The following ARHGEF18 variants were observed in gnomAD, a reference collection of about 807,000 sequenced individuals.
The protein encoded by ARHGEF18 is Rho/Rac guanine nucleotide exchange factor 18, also known as rho guanine nucleotide exchange factor 18.
Under a neutral mutation model 155.7 loss-of-function variants are expected in ARHGEF18, and 93 were observed. That is an observed-to-expected ratio of 0.60 (90% CI 0.50 to 0.71). ARHGEF18 has a LOEUF of 0.71. ARHGEF18 is among the 30% of genes least tolerant of loss of function. The pLI is 0.00. For missense variants in ARHGEF18, 1,593 were observed against 1,816.1 expected (o/e 0.88, Z 2.23); for synonymous variants, 742 against 753.1 (o/e 0.99, Z 0.24).
chr19:7,359,706 G>T (rs531540481), intron 1 of ARHGEF18, among the ~76,000 whole-genome samples: 64 of 152,258 alleles, frequency 4.2e-4, no homozygotes, highest in African/African-American at 1.4e-3. Flanking sequence ...CTCAGTATAT[G>T]ACACCAGGAT....
intron 15 of ARHGEF18, among the ~76,000 whole-genome samples, chr19:7,450,856 G>T (rs62109784): frequency 1.6e-3 from 6 of 3,736 alleles, no homozygotes; most frequent in Admixed American, 8.1e-3. Flanking sequence ...TTAATGCGGC[G>T]TCTTGCTGTC....
intron 10 of ARHGEF18, among the ~76,000 whole-genome samples, chr19:7,413,044 A>G (rs1300323480): frequency 2.0e-5 from 3 of 152,136 alleles, no homozygotes; most frequent in Non-Finnish European, 2.9e-5. Context: ...CATTTCAGCC[A>G]GCGAATCAGG....
intron 2 of ARHGEF18, among the ~76,000 whole-genome samples, chr19:7,363,582 A>G (rs541105610): frequency 2.4e-4 from 37 of 151,828 alleles, no homozygotes; most frequent in African/African-American, 7.7e-4. Context: ...GATGAATAAA[A>G]TGAAAGATGG....
intron 10 of ARHGEF18, among the ~76,000 whole-genome samples, chr19:7,435,270 G>A (rs1974193719): frequency 6.6e-6 from 1 of 152,010 alleles, no homozygotes; most frequent in East Asian, 1.9e-4. Flanking sequence ...CCTCTGGGCA[G>A]CTGGTGTTTT....
chr19:7,388,832 C>T (rs890064148), intron 10 of ARHGEF18, among the ~76,000 whole-genome samples: 14 of 152,168 alleles, frequency 9.2e-5, no homozygotes, highest in Admixed American at 8.5e-4. Context: ...CCACCCCCCT[C>T]AGCCTTCCAA....
Position 7,462,327 on chromosome 19 carries a change from G to A in ARHGEF18, c.2628G>A (p.Met876Ile), listed in dbSNP as rs1976324548. ...GGGAGCTAATTCTCAAGTCGGCCATGAGCGAGAGTAAGTTGGCTGCCCACA... is the reference window on the plus strand; with the variant it reads ...GGGAGCTAATTCTCAAGTCGGCCATAAGCGAGAGTAAGTTGGCTGCCCACA... ...LQGELILKSA[M>I]SEIEGIQSLI... Residue 876 changes from methionine to isoleucine, a missense_variant, in exon 21 of 29, where the codon ATG (methionine) becomes ATA (isoleucine). Met to Ile is a conservative substitution (Grantham distance 10). Transcript: ENST00000668164. The surrounding 1 kb of genome is among the most constrained non-coding windows in gnomAD (Gnocchi z 4.4). 4 of 1,591,294 alleles carry A rather than the reference G, an allele frequency of 2.5e-6. No homozygotes were observed. Among genetic ancestry groups the A allele is most frequent in the Non-Finnish European group, 3.4e-6 (4 of 1,169,530 alleles).
chr19:7,447,756 G>T (rs1486438408), intron 15 of ARHGEF18, among the ~76,000 whole-genome samples: 1 of 152,118 alleles, frequency 6.6e-6, no homozygotes, highest in Admixed American at 6.5e-5. Flanking sequence ...CACTTCGAGA[G>T]GCCAAGGCAG....
At chr19:7,477,309 C>T (rs746218811), downstream of ARHGEF18, 7 of 1,563,698 alleles carry the variant, frequency 4.5e-6, no homozygotes, top group Admixed American at 1.9e-5. Context: ...GGGAAGCGGC[C>T]GGCCCACAGC....
downstream of ARHGEF18, chr19:7,473,152 T>C (rs561830175): frequency 2.2e-6 from 1 of 456,214 alleles, no homozygotes; most frequent in South Asian, 1.5e-5. Context: ...TGGCCATGAG[T>C]ATGAAATCAT....
At chr19:7,415,949 T>A (rs772784055) in intron 10 of ARHGEF18, among the ~76,000 whole-genome samples, 1 of 152,150 alleles carries the variant, frequency 6.6e-6, no homozygotes, top group Non-Finnish European at 1.5e-5. Flanking sequence ...GGAGAAAACT[T>A]GGAGTTCCCA....
intron 1 of ARHGEF18, 147 bp from the exon 2 acceptor site, chr19:7,362,634 G>C (rs534574460): frequency 1.0e-4 from 65 of 648,920 alleles, no homozygotes; most frequent in Middle Eastern, 4.3e-4. Context: ...AGATCATTGA[G>C]ACCATCTTCC....
chr19:7,419,354 C>T (rs1973218011), intron 10 of ARHGEF18, among the ~76,000 whole-genome samples: 1 of 150,890 alleles, frequency 6.6e-6, no homozygotes, highest in South Asian at 2.1e-4. Context: ...CCCCGCACCC[C>T]AGATGCGCCC....
chr19:7,440,030 G>A lies in ARHGEF18; in HGVS notation c.968-314G>A. On this transcript the variant is annotated intron_variant, in intron 10 of 28. Transcript: ENST00000668164. This position sits in a 1 kb window ranked among gnomAD's most constrained non-coding sequence, Gnocchi z 5.4. ...AAGACGCAGCTCTGTTTTCTAGAAG[G>A]ATCCCACCGAGGCATAAAAACGGCG... The A allele has an allele frequency of 6.4e-7, 1 of 1,550,654 alleles. No homozygotes were observed. Among genetic ancestry groups the A allele is most frequent in the Non-Finnish European group, 8.7e-7 (1 of 1,146,834 alleles).
intron 10 of ARHGEF18, among the ~76,000 whole-genome samples, chr19:7,421,796 A>G (rs1454457739): frequency 6.6e-6 from 1 of 152,052 alleles, no homozygotes. Context: ...AGCCTTGATG[A>G]TGGCCCTGAC....
rs562313898 is a variant in ARHGEF18, at chr19:7,407,019, C to T, written c.967+23816C>T. ...AGCAGAGCTTGCAGTGAGCGGAGAT[C>T]GTGCCACTGCACTCCAGCCTGGGCG... On this transcript the variant is annotated intron_variant, in intron 10 of 28. Coordinates refer to ENST00000668164, the MANE Select transcript of ARHGEF18 (RefSeq NM_001367823.1). 3.5e-5 allele frequency among the ~76,000 whole-genome samples: 5 copies of T among 141,994 alleles called. No individual in the cohort carries two copies. In the East Asian group the frequency reaches 1.1e-3, roughly 31 times the overall value. The allele number at this position is 141,994 out of a possible 152,430, so 93.2% of individuals were successfully genotyped here.
the ARHGEF18 span, among the ~76,000 whole-genome samples, chr19:7,477,949 G>A: frequency 6.6e-6 from 1 of 152,248 alleles, no homozygotes; most frequent in Non-Finnish European, 1.5e-5. Flanking sequence ...TTGAGCCCAG[G>A]AGGCAGAGGC....
chr19:7,433,569 C>T (rs906359092), intron 10 of ARHGEF18, among the ~76,000 whole-genome samples: 1 of 146,902 alleles, frequency 6.8e-6, no homozygotes, highest in African/African-American at 2.5e-5. Context: ...TTTGAACAGG[C>T]TAGTAACTAC....
chr19:7,396,693 G>T (rs1284487150), intron 10 of ARHGEF18, among the ~76,000 whole-genome samples: 1 of 150,592 alleles, frequency 6.6e-6, no homozygotes. Flanking sequence ...CCAGCCTGGC[G>T]ACAGAGCAAG....
downstream of ARHGEF18, among the ~76,000 whole-genome samples, chr19:7,473,784 A>G (rs551480697): frequency 3.5e-4 from 49 of 138,412 alleles, no homozygotes; most frequent in South Asian, 4.3e-3. Context: ...CACTCAGCCT[A>G]GGCAATAGAG....
Sources: allele counts gnomAD v4.1 joint callset (sites outside exome capture counted in the v4.1 genomes callset), GRCh38; gene constraint gnomAD v4.1.1; non-coding constraint Gnocchi (gnomAD v3.1); transcripts MANE v1.5; gene names NCBI Gene and HGNC (gene_info 2026-07-23, HGNC 2026-07-21).